SIPA1L1: variants seen among roughly 807,000 people sequenced by gnomAD.
The protein encoded by SIPA1L1 is signal induced proliferation associated 1 like 1.
Under a neutral mutation model 162.7 loss-of-function variants are expected in SIPA1L1, and 26 were observed. That is an observed-to-expected ratio of 0.16 (90% CI 0.12 to 0.22). The LOEUF (loss-of-function observed/expected upper bound fraction) is 0.22. Among genes scored for constraint, SIPA1L1 ranks in the 10% least tolerant of loss-of-function variants. The probability of loss-of-function intolerance (pLI) is 1.00; values close to 1 mark genes in which losing one functional copy is unlikely to be tolerated. For missense variants in SIPA1L1, 1,874 were observed against 2,241.0 expected, an observed-to-expected ratio of 0.84 and a Z score of 3.31; for synonymous variants, 829 against 837.4, an observed-to-expected ratio of 0.99 and a Z score of 0.17.
At chr14:71,495,886 C>CAAAAAAAAAAAAAAAAAAAAA (rs61183823) in intron 2 of SIPA1L1, among the ~76,000 whole-genome samples, 2 of 38,006 alleles carry the variant, frequency 5.3e-5, no homozygotes, top group African/African-American at 1.8e-4. Flanking sequence ...TCCATCTCTA[C>CAAAAAAAAAAAAAAAAAAAAA]AAAAAAAAAA....
At chr14:71,444,723 C>T (rs897472015) in intron 2 of SIPA1L1, among the ~76,000 whole-genome samples, 2 of 152,182 alleles carry the variant, frequency 1.3e-5, no homozygotes, top group South Asian at 2.1e-4. Context: ...GTGTCTGCTG[C>T]TCCCTCTTAT....
intron 10 of SIPA1L1, among the ~76,000 whole-genome samples, chr14:71,670,323 A>G (rs1267661541): frequency 6.6e-6 from 1 of 152,206 alleles, no homozygotes; most frequent in African/African-American, 2.4e-5. Context: ...AATTTTAGGA[A>G]TATATAGTCA....
intron 2 of SIPA1L1, among the ~76,000 whole-genome samples, chr14:71,367,313 T>A (rs2140953812): frequency 6.6e-6 from 1 of 151,428 alleles, no homozygotes; most frequent in Non-Finnish European, 1.5e-5. Flanking sequence ...CTTTTTTTTT[T>A]TTTTTTTTCC....
In SIPA1L1 at chr14:71,618,776, G is replaced by A. The variant is rs777271688; in HGVS notation, c.1518G>A (p.Gly506=). The change falls in exon 6 of 24, where the codon GGG becomes GGA. Residue 506 remains glycine, a synonymous_variant. Coordinates refer to ENST00000381232, the MANE Select transcript of SIPA1L1 (RefSeq NM_001386936.1). The stretch of plus-strand genomic sequence containing the variant: ...CCTAAGAACACTGGAACTATTTTGG[G>A]GCTGATGAGAATCTTGGTCCAGTGG... ...FYQKEHWNYF[G]ADENLGPVAV... The A allele has an allele frequency of 3.1e-6, 5 of 1,613,692 alleles. No individual in the cohort carries two copies. Among genetic ancestry groups the A allele is most frequent in the Middle Eastern group, 1.7e-4 (1 of 6,058 alleles).
At chr14:71,683,850 A>G (rs1241425114) in intron 12 of SIPA1L1, among the ~76,000 whole-genome samples, 4 of 152,246 alleles carry the variant, frequency 2.6e-5, no homozygotes, top group African/African-American at 9.6e-5. Context: ...AATTTAGGAC[A>G]TTGTGCCCAG....
chr14:71,581,880 T>C (rs1287107975), intron 4 of SIPA1L1, among the ~76,000 whole-genome samples: 2 of 152,206 alleles, frequency 1.3e-5, no homozygotes, highest in Admixed American at 6.5e-5. Context: ...ACTTACTACC[T>C]TTTACTCCTT....
intron 4 of SIPA1L1, chr14:71,574,786 T>C (rs2032726237): frequency 6.6e-6 from 1 of 152,176 alleles, no homozygotes; most frequent in South Asian, 2.1e-4. Flanking sequence ...ATTTTTTTTC[T>C]AGTTAATAAG....
At position 71,364,976 on chromosome 14, in the gene SIPA1L1, G is replaced by A. The variant is rs565799778; in HGVS notation, c.-465+43795G>A. Among the ~76,000 whole-genome samples the A allele has an allele frequency of 4.6e-5, 7 of 152,052 alleles. 1 individual carries two copies. In the South Asian group the frequency reaches 1.5e-3, roughly 32 times the overall value. On this transcript the variant is annotated intron_variant, in intron 2 of 23. Coordinates refer to ENST00000381232, the MANE Select transcript of SIPA1L1 (RefSeq NM_001386936.1). The stretch of plus-strand genomic sequence containing the variant: ...TGGCCAGGCTGGTCTCGAATTCCTG[G>A]CTTCAAGTGATGCACCTGCCTTAGC...
At chr14:71,434,521 C>G (rs7159161) in intron 2 of SIPA1L1, among the ~76,000 whole-genome samples, 4,860 of 152,194 alleles carry the variant, frequency 0.032, 271 homozygotes, top group African/African-American at 0.11. Context: ...CTGTTCCTGT[C>G]CTTTTTGTTT....
intron 4 of SIPA1L1, among the ~76,000 whole-genome samples, chr14:71,556,175 T>C (rs1281396504): frequency 6.6e-6 from 1 of 152,242 alleles, no homozygotes; most frequent in Non-Finnish European, 1.5e-5. Flanking sequence ...ATTGTATTTA[T>C]TGAACAGAAA....
intron 4 of SIPA1L1, among the ~76,000 whole-genome samples, chr14:71,587,357 GT>G (rs879895661): frequency 2.0e-3 from 290 of 145,500 alleles, no homozygotes; most frequent in Middle Eastern, 7.2e-3. Flanking sequence ...AGTCTTAATA[GT>G]TTTTTTTTTT....
intron 8 of SIPA1L1, among the ~76,000 whole-genome samples, chr14:71,651,349 G>A (rs1314381803): frequency 1.3e-5 from 2 of 152,118 alleles, no homozygotes; most frequent in African/African-American, 2.4e-5. Flanking sequence ...CTGATTTTCT[G>A]TACAGGAAAT....
chr14:71,361,626 G>A (rs527511656), intron 2 of SIPA1L1, among the ~76,000 whole-genome samples: 1 of 152,166 alleles, frequency 6.6e-6, no homozygotes, highest in Admixed American at 6.5e-5. Flanking sequence ...TACTACGTGG[G>A]GTGAACTGTA....
intron 22 of SIPA1L1, among the ~76,000 whole-genome samples, chr14:71,736,716 C>T (rs1347223537): frequency 6.6e-6 from 1 of 152,116 alleles, no homozygotes; most frequent in Non-Finnish European, 1.5e-5. Context: ...AAATGTGCCT[C>T]GTTAGGAAGG....
At chr14:71,394,345 A>G (rs2041014492) in intron 2 of SIPA1L1, among the ~76,000 whole-genome samples, 1 of 152,190 alleles carries the variant, frequency 6.6e-6, no homozygotes, top group Non-Finnish European at 1.5e-5. Context: ...GGAAGCCTCT[A>G]TTACTATTAT....
chr14:71,558,569 G>T (rs1300129179), intron 4 of SIPA1L1, among the ~76,000 whole-genome samples: 5 of 152,172 alleles, frequency 3.3e-5, no homozygotes, highest in Non-Finnish European at 5.9e-5. Flanking sequence ...GTGGAAGGCT[G>T]GTGAAAGCCG....
intron 2 of SIPA1L1, among the ~76,000 whole-genome samples, chr14:71,491,660 A>T (rs1395389257): frequency 1.3e-5 from 2 of 151,714 alleles, no homozygotes; most frequent in Non-Finnish European, 2.9e-5. Context: ...TCAACCCCAC[A>T]AGTAGCTGGA....
At chr14:71,702,971 C>T (rs2082193749) in intron 15 of SIPA1L1, among the ~76,000 whole-genome samples, 1 of 152,238 alleles carries the variant, frequency 6.6e-6, no homozygotes. Context: ...TCTTCTCACT[C>T]TGCTATTAAG....
Position 71,466,604 on chromosome 14 carries a change from A to G in SIPA1L1, c.-464-46139A>G, listed in dbSNP as rs956673490. On this transcript the variant is annotated intron_variant, in intron 2 of 23. Transcript: ENST00000381232. ...TGAAAAAAAAAAAAAAAACAGTAAT[A>G]AAATTCACTGTGTTCTAATTGTGTC... Among the ~76,000 whole-genome samples, 3 of 152,108 alleles carry G rather than the reference A, an allele frequency of 2.0e-5. No homozygotes were observed. The South Asian group carries it at 6.2e-4, about 31-fold the overall frequency.
Sources: allele counts gnomAD v4.1 joint callset (sites outside exome capture counted in the v4.1 genomes callset), GRCh38; gene constraint gnomAD v4.1.1; transcripts MANE v1.5; gene names NCBI Gene and HGNC (gene_info 2026-07-23, HGNC 2026-07-21).